The following SETBP1 variants were observed in gnomAD, a reference collection of about 807,000 sequenced individuals.
SETBP1 encodes SET-binding protein.
Under a neutral mutation model 101.0 loss-of-function variants are expected in SETBP1, and 9 were observed. The observed-to-expected ratio is 0.09, with a 90% CI of 0.05 to 0.16. SETBP1 has a LOEUF of 0.16. Ranked by LOEUF, SETBP1 falls within the 10% of genes least tolerant of loss-of-function variation. SETBP1 has a pLI of 1.00. For missense variants in SETBP1, 1,858 were observed against 2,033.8 expected, an observed-to-expected ratio of 0.91 and a Z score of 1.66; for synonymous variants, 818 against 788.5, an observed-to-expected ratio of 1.04 and a Z score of -0.63.
intron 2 of SETBP1, among the ~76,000 whole-genome samples, chr18:44,864,419 C>A (rs1372254067): frequency 6.6e-6 from 1 of 152,128 alleles, no homozygotes; most frequent in Non-Finnish European, 1.5e-5. Context: ...TCTCCTTGTT[C>A]TCCAACCCTG....
intron 3 of SETBP1, among the ~76,000 whole-genome samples, chr18:44,917,294 G>T (rs2070451774): frequency 6.6e-6 from 1 of 152,164 alleles, no homozygotes; most frequent in Non-Finnish European, 1.5e-5. Flanking sequence ...GGTGGTTTTT[G>T]AACAGTGCTT....
At chr18:45,007,990 A>G (rs998961996) in intron 4 of SETBP1, among the ~76,000 whole-genome samples, 2 of 152,178 alleles carry the variant, frequency 1.3e-5, no homozygotes, top group East Asian at 3.9e-4. Flanking sequence ...GGGCTTCTTC[A>G]GAGCTCCTGA....
chr18:44,953,270 G>A lies in SETBP1; in HGVS notation c.3930G>A (p.Arg1310=), dbSNP rs1193155113. 4 of 1,613,968 alleles carry A rather than the reference G, an allele frequency of 2.5e-6. No individual in the cohort carries two copies. The African/African-American group carries it at 4.0e-5, about 16-fold the overall frequency. ...GCTATGAAGGCTTTGGAACGTACAG[G>A]GAAAAGGACATCCAAGCCTTCAAGA... ...RRSYEGFGTY[R]EKDIQAFKMN... is the part of the protein sequence containing the mutation. The change falls in exon 4 of 6, where the codon AGG becomes AGA. Residue 1310 remains arginine (R), a synonymous_variant. Coordinates refer to ENST00000649279, the MANE Select transcript of SETBP1 (RefSeq NM_015559.3).
At chr18:44,819,442 G>C (rs796919317) in intron 2 of SETBP1, among the ~76,000 whole-genome samples, 7 of 152,294 alleles carry the variant, frequency 4.6e-5, no homozygotes, top group African/African-American at 1.7e-4. Flanking sequence ...TTCATTTGCA[G>C]ACTGTCACAA....
At chr18:45,039,525 G>A (rs879726142) in intron 5 of SETBP1, among the ~76,000 whole-genome samples, 5 of 152,148 alleles carry the variant, frequency 3.3e-5, no homozygotes, top group African/African-American at 4.8e-5. Context: ...CCCTCATTTC[G>A]TAGACTGCAA....
chr18:44,784,162 C>T (rs775541154), intron 2 of SETBP1, among the ~76,000 whole-genome samples: 21 of 152,128 alleles, frequency 1.4e-4, no homozygotes, highest in Non-Finnish European at 2.9e-4. Flanking sequence ...TGTGGACTTT[C>T]CTAAAGATAC....
At chr18:44,852,335 C>T (rs1403485649) in intron 2 of SETBP1, among the ~76,000 whole-genome samples, 1 of 152,230 alleles carries the variant, frequency 6.6e-6, no homozygotes, top group Non-Finnish European at 1.5e-5. Context: ...TCATGGCCCA[C>T]CTACATGCTA....
chr18:44,981,671 T>G (rs528612149), intron 4 of SETBP1, among the ~76,000 whole-genome samples: 2 of 152,330 alleles, frequency 1.3e-5, no homozygotes, highest in African/African-American at 4.8e-5. Flanking sequence ...CATTTACCTT[T>G]TACATCAGAA....
intron 4 of SETBP1, 59 bp downstream of exon 4, chr18:44,953,399 C>T: frequency 6.9e-7 from 1 of 1,446,836 alleles, no homozygotes; most frequent in Non-Finnish European, 9.6e-7. Flanking sequence ...GGGCTTTGCA[C>T]CTCAGACACA....
Position 44,950,380 on chromosome 18 carries a change from T to A in SETBP1, c.1040T>A (p.Ile347Lys). 1 of 1,613,992 alleles carries A rather than the reference T, an allele frequency of 6.2e-7. No homozygotes were observed. Among genetic ancestry groups the A allele is most frequent in the Non-Finnish European group, 8.5e-7 (1 of 1,180,024 alleles). ...SSKKDVISQT[I>K]PNPDLDWVKN... The stretch of plus-strand genomic sequence containing the variant: ...AAAAAAGATGTGATAAGTCAGACCA[T>A]ACCAAACCCAGACCTGGATTGGGTC... Residue 347 changes from isoleucine (I) to lysine (K), a missense_variant, in exon 4 of 6, where the codon ATA becomes AAA. Physicochemically the swap from Ile to Lys is moderately radical, Grantham distance 102. Coordinates refer to ENST00000649279, the MANE Select transcript of SETBP1 (RefSeq NM_015559.3).
At chr18:44,979,770 C>T (rs866961393) in intron 4 of SETBP1, among the ~76,000 whole-genome samples, 2 of 152,214 alleles carry the variant, frequency 1.3e-5, no homozygotes, top group Admixed American at 1.3e-4. Flanking sequence ...AAAACTCACT[C>T]TATGCAATTG....
At chr18:44,743,253 G>A (rs917821693) in intron 2 of SETBP1, among the ~76,000 whole-genome samples, 3 of 151,894 alleles carry the variant, frequency 2.0e-5, no homozygotes, top group Admixed American at 6.6e-5. Context: ...GTTTAATTTC[G>A]GCTCCTGTAG....
At chr18:44,825,442 T>C (rs2072216257) in intron 2 of SETBP1, among the ~76,000 whole-genome samples, 1 of 152,226 alleles carries the variant, frequency 6.6e-6, no homozygotes, top group African/African-American at 2.4e-5. Flanking sequence ...CACACAATTT[T>C]TCTAAAAGTA....
chr18:44,777,013 T>A (rs555235263), intron 2 of SETBP1, among the ~76,000 whole-genome samples: 1 of 152,270 alleles, frequency 6.6e-6, no homozygotes, highest in East Asian at 1.9e-4. Flanking sequence ...GAGGCCAAAA[T>A]GTGGGCAATA....
intron 3 of SETBP1, among the ~76,000 whole-genome samples, chr18:44,904,261 A>T (rs944876863): frequency 1.3e-5 from 2 of 152,212 alleles, no homozygotes; most frequent in African/African-American, 4.8e-5. Context: ...GTTTATGCAT[A>T]AGATTTCTAG....
chr18:44,830,930 G>C (rs994869194), intron 2 of SETBP1, among the ~76,000 whole-genome samples: 1 of 152,184 alleles, frequency 6.6e-6, no homozygotes, highest in Non-Finnish European at 1.5e-5. Flanking sequence ...CTGCCTTATA[G>C]AGGGAGTGGA....
intron 2 of SETBP1, among the ~76,000 whole-genome samples, chr18:44,829,030 G>A (rs1464852308): frequency 6.6e-6 from 1 of 152,222 alleles, no homozygotes; most frequent in Non-Finnish European, 1.5e-5. Flanking sequence ...GCTAAGACAA[G>A]ACATTTTTCT....
Position 45,063,732 on chromosome 18 carries a change from G to GAACT in SETBP1, c.*35_*38dup. 6.3e-7 allele frequency: 1 copy of GAACT among 1,588,736 alleles called. No homozygotes were observed. Among genetic ancestry groups the GAACT allele is most frequent in the South Asian group, 1.1e-5 (1 of 87,436 alleles). Reference sequence around the variant, plus strand: ...TGGGCGTCTGCACCTGGGGCCTAGGGAACTGACACGTGGGAAGCGCAGTGA... The same window carrying GAACT: ...TGGGCGTCTGCACCTGGGGCCTAGGGAACTAACTGACACGTGGGAAGCGCAGTGA... On this transcript the variant is annotated 3_prime_UTR_variant, in exon 6 of 6. Transcript: ENST00000649279.
At chr18:44,706,175 C>T (rs956227778) in intron 2 of SETBP1, among the ~76,000 whole-genome samples, 4 of 152,188 alleles carry the variant, frequency 2.6e-5, no homozygotes, top group African/African-American at 9.6e-5. Context: ...ATGGGACCAA[C>T]GTGGTTGCAA....
Sources: allele counts gnomAD v4.1 joint callset (sites outside exome capture counted in the v4.1 genomes callset), GRCh38; gene constraint gnomAD v4.1.1; transcripts MANE v1.5; gene names NCBI Gene and HGNC (gene_info 2026-07-23, HGNC 2026-07-21).